Variants in TCF4 observed in about 807,000 individuals in gnomAD.
TCF4 encodes the protein SL3-3 enhancer factor 2.
A neutral mutation model predicts 82.1 loss-of-function variants in TCF4; 3 were observed. The ratio of observed to expected loss-of-function variants is 0.04; its 90% CI spans 0.02 to 0.09. TCF4 has a LOEUF of 0.09. Among genes scored for constraint, TCF4 ranks in the 10% least tolerant of loss-of-function variants. The probability of loss-of-function intolerance (pLI) is 1.00; values close to 1 mark genes in which losing one functional copy is unlikely to be tolerated. For missense variants in TCF4, 518 were observed against 852.7 expected (o/e 0.61, Z 4.89); for synonymous variants, 276 against 309.6 (o/e 0.89, Z 1.14).
At chr18:55,415,985 T>C (rs2094512584) in intron 5 of TCF4, among the ~76,000 whole-genome samples, 1 of 152,188 alleles carries the variant, frequency 6.6e-6, no homozygotes, top group South Asian at 2.1e-4. Flanking sequence ...AAGAATAAAT[T>C]GAGATACATA....
chr18:55,303,225 G>A (rs1007827423), intron 8 of TCF4, among the ~76,000 whole-genome samples: 4 of 72,420 alleles, frequency 5.5e-5, no homozygotes, highest in East Asian at 4.7e-4. Flanking sequence ...CTCCCAGTAC[G>A]TACACACACA....
intron 5 of TCF4, among the ~76,000 whole-genome samples, chr18:55,441,613 A>G (rs749992636): frequency 3.0e-4 from 45 of 152,234 alleles, no homozygotes; most frequent in Non-Finnish European, 6.0e-4. Context: ...CTTGAGCTAG[A>G]TGGTAGATAC....
chr18:55,313,558 AAAAAG>A (rs2073206761), intron 8 of TCF4, among the ~76,000 whole-genome samples: 1 of 152,184 alleles, frequency 6.6e-6, no homozygotes, highest in Non-Finnish European at 1.5e-5. Context: ...TCAAAATTTA[AAAAAG>A]AAAAGGAAAG....
intron 5 of TCF4, among the ~76,000 whole-genome samples, chr18:55,425,410 C>T (rs1603459279): frequency 6.7e-6 from 1 of 149,470 alleles, no homozygotes; most frequent in Admixed American, 6.7e-5. Context: ...ATGAATTTGT[C>T]CTTTGGAAAC....
intron 8 of TCF4, among the ~76,000 whole-genome samples, chr18:55,324,439 T>C (rs2076215247): frequency 6.6e-6 from 1 of 152,206 alleles, no homozygotes; most frequent in Non-Finnish European, 1.5e-5. Flanking sequence ...ATATCATCCA[T>C]GATAAATTTT....
chr18:55,227,093 C>A lies in TCF4; in HGVS notation c.*942G>T, dbSNP rs1330775262. 6.6e-6 allele frequency: 1 copy of A among 152,380 alleles called. No individual in the cohort carries two copies. The highest frequency in any genetic ancestry group is 1.5e-5 in the Non-Finnish European group (1 of 67,986). 9.4% of individuals were successfully genotyped at this position (152,380 alleles called of 1,614,324 possible). On this transcript the variant is annotated 3_prime_UTR_variant, in exon 20 of 20. Coordinates refer to ENST00000354452, the MANE Select transcript of TCF4 (RefSeq NM_001083962.2). Reference sequence around the variant, plus strand: ...TCTACACATGATGTGACTTTTAAGTCCTGTGTTCCCAAAAGACTGGAGAAA... The same window carrying A: ...TCTACACATGATGTGACTTTTAAGTACTGTGTTCCCAAAAGACTGGAGAAA...
At chr18:55,286,868 C>G in intron 8 of TCF4, among the ~76,000 whole-genome samples, 1 of 152,292 alleles carries the variant, frequency 6.6e-6, no homozygotes, top group South Asian at 2.1e-4. Flanking sequence ...AGAAATAACA[C>G]ATATATGTCT....
chr18:55,399,406 TTAAA>T (rs911372541), intron 6 of TCF4, among the ~76,000 whole-genome samples: 1 of 152,182 alleles, frequency 6.6e-6, no homozygotes, highest in Non-Finnish European at 1.5e-5. Flanking sequence ...GATGTAAACA[TTAAA>T]TAACTGTATC....
chr18:55,541,559 T>A (rs942201979), intron 3 of TCF4, among the ~76,000 whole-genome samples: 6 of 152,010 alleles, frequency 3.9e-5, no homozygotes, highest in Non-Finnish European at 5.9e-5. Flanking sequence ...ATCCTAAGCA[T>A]ATTTCTCTGA....
chr18:55,259,918 A>G (rs757216771), intron 13 of TCF4, 31 bp downstream of exon 13: 1 of 1,560,874 alleles, frequency 6.4e-7, no homozygotes. Flanking sequence ...ATAAACTGTT[A>G]TATGATGAAA....
intron 2 of TCF4, among the ~76,000 whole-genome samples, chr18:55,631,057 T>G (rs1303992871): frequency 6.6e-6 from 1 of 151,556 alleles, no homozygotes; most frequent in Non-Finnish European, 1.5e-5. Context: ...ATGGGTTTTT[T>G]TTTTTTTTTT....
At position 55,254,786 on chromosome 18, in the gene TCF4, C is replaced by A. The variant is rs1024755908; in HGVS notation, c.1147-86G>T. ...AAGTAAAATTTTAGTCGACAAAAAACACACTGTGTTTCTAAATACATGTTT... is the reference window on the plus strand; with the variant it reads ...AAGTAAAATTTTAGTCGACAAAAAAAACACTGTGTTTCTAAATACATGTTT... On this transcript the variant is annotated intron_variant, in intron 14 of 19. Coordinates refer to ENST00000354452, the MANE Select transcript of TCF4 (RefSeq NM_001083962.2). 1.0e-5 allele frequency: 12 copies of A among 1,205,930 alleles called. No individual in the cohort carries two copies. In the African/African-American group the frequency reaches 1.5e-4, roughly 15 times the overall value. 74.7% of individuals were successfully genotyped at this position (1,205,930 alleles called of 1,614,324 possible).
At chr18:55,460,445 A>G (rs2095850550) in intron 5 of TCF4, among the ~76,000 whole-genome samples, 2 of 152,216 alleles carry the variant, frequency 1.3e-5, no homozygotes, top group Non-Finnish European at 2.9e-5. Flanking sequence ...GCCTCAAACT[A>G]ACAGGTAACT....
chr18:55,622,400 G>T (rs1026275718), intron 2 of TCF4, among the ~76,000 whole-genome samples: 2 of 151,248 alleles, frequency 1.3e-5, no homozygotes, highest in Non-Finnish European at 1.5e-5. Flanking sequence ...CCAGCTACTC[G>T]GGAGGCTGAC....
At chr18:55,302,499 T>C (rs2068648620) in intron 8 of TCF4, 1 of 1,536,156 alleles carries the variant, frequency 6.5e-7, no homozygotes, top group Non-Finnish European at 8.7e-7. Flanking sequence ...TGGTGTTGTT[T>C]GCTGATTGGT....
intron 8 of TCF4, among the ~76,000 whole-genome samples, chr18:55,293,931 CTTTTTTTTTTTTTTTT>C (rs781150808): frequency 0.073 from 2,925 of 40,222 alleles, 156 homozygotes; most frequent in Middle Eastern, 0.17. Flanking sequence ...TTTCCAAGGA[CTTTTTTTTTTTTTTTT>C]TTTTTTTTTT....
intron 3 of TCF4, among the ~76,000 whole-genome samples, chr18:55,556,848 A>G (rs567009111): frequency 6.6e-6 from 1 of 152,354 alleles, no homozygotes; most frequent in Admixed American, 6.5e-5. Flanking sequence ...GTAAAACTTA[A>G]GAGAATTCTG....
chr18:55,303,248 C>CACACACCCCT (rs2068944683), intron 8 of TCF4, among the ~76,000 whole-genome samples: 2 of 150,898 alleles, frequency 1.3e-5, no homozygotes, highest in African/African-American at 4.9e-5. Context: ...CACACACACA[C>CACACACCCCT]ACACACACAC....
chr18:55,516,095 G>T (rs776138745), intron 3 of TCF4, among the ~76,000 whole-genome samples: 1 of 152,164 alleles, frequency 6.6e-6, no homozygotes, highest in Non-Finnish European at 1.5e-5. Context: ...AATTCCAAAG[G>T]TGTGTGTAAC....
Sources: allele counts gnomAD v4.1 joint callset (sites outside exome capture counted in the v4.1 genomes callset), GRCh38; gene constraint gnomAD v4.1.1; transcripts MANE v1.5; gene names NCBI Gene and HGNC (gene_info 2026-07-23, HGNC 2026-07-21).